The following ROBO2 variants were observed in gnomAD, a reference collection of about 807,000 sequenced individuals.
ROBO2 encodes roundabout guidance receptor 2.
A neutral mutation model predicts 160.8 loss-of-function variants in ROBO2; 53 were observed. The observed-to-expected ratio is 0.33, with a 90% CI of 0.26 to 0.41. The LOEUF (loss-of-function observed/expected upper bound fraction) is 0.41, where lower values mean the gene tolerates loss of function less well. ROBO2 is among the 10% of genes least tolerant of loss of function. The pLI is 1.00. For missense variants in ROBO2, 1,577 were observed against 1,722.4 expected, an observed-to-expected ratio of 0.92 and a Z score of 1.49; for synonymous variants, 664 against 611.7, an observed-to-expected ratio of 1.09 and a Z score of -1.26.
intron 2 of ROBO2, among the ~76,000 whole-genome samples, chr3:76,992,332 T>C (rs1278407594): frequency 4.8e-5 from 1 of 20,628 alleles, no homozygotes. Context: ...TTACTATATA[T>C]ATATATATAT....
intron 2 of ROBO2, among the ~76,000 whole-genome samples, chr3:77,003,056 T>TC (rs1484053889): frequency 6.6e-5 from 10 of 152,210 alleles, no homozygotes; most frequent in Non-Finnish European, 8.8e-5. Context: ...TATATTATTC[T>TC]CTAGTTTTTA....
chr3:77,549,943 T>C (rs1325246057), intron 7 of ROBO2, among the ~76,000 whole-genome samples: 2 of 151,980 alleles, frequency 1.3e-5, no homozygotes, highest in African/African-American at 2.4e-5. Context: ...TGATATCTCC[T>C]TATTTATAAT....
At chr3:76,209,596 C>T (rs1703016212) in intron 2 of ROBO2, among the ~76,000 whole-genome samples, 1 of 151,994 alleles carries the variant, frequency 6.6e-6, no homozygotes, top group African/African-American at 2.4e-5. Flanking sequence ...TTCTATGCCC[C>T]TCAGGAATAC....
intron 2 of ROBO2, among the ~76,000 whole-genome samples, chr3:76,321,973 G>A (rs2072565575): frequency 6.6e-6 from 1 of 151,596 alleles, no homozygotes; most frequent in African/African-American, 2.4e-5. Flanking sequence ...CTAGAATAAA[G>A]GTCTAGCACA....
chr3:76,506,653 G>A (rs534287106), intron 2 of ROBO2, among the ~76,000 whole-genome samples: 97 of 152,140 alleles, frequency 6.4e-4, no homozygotes, highest in African/African-American at 2.2e-3. Context: ...TTATGTATGT[G>A]TCTTGTCCTC....
chr3:76,886,842 C>G (rs1478009621), intron 2 of ROBO2, among the ~76,000 whole-genome samples: 2 of 152,140 alleles, frequency 1.3e-5, no homozygotes, highest in African/African-American at 4.8e-5. Flanking sequence ...TGGCCACTAG[C>G]TATATGTGGC....
intron 2 of ROBO2, among the ~76,000 whole-genome samples, chr3:76,887,449 A>G (rs2073993002): frequency 6.6e-6 from 1 of 151,704 alleles, no homozygotes; most frequent in Admixed American, 6.6e-5. Flanking sequence ...TTTTCAGAGG[A>G]TCATTAACTG....
intron 2 of ROBO2, among the ~76,000 whole-genome samples, chr3:77,186,348 A>G (rs1460143071): frequency 6.6e-6 from 1 of 151,952 alleles, no homozygotes; most frequent in Non-Finnish European, 1.5e-5. Flanking sequence ...TAGATTAATA[A>G]CTTTAGATTC....
chr3:77,299,476 G>A (rs1027635342), intron 2 of ROBO2, among the ~76,000 whole-genome samples: 2 of 152,096 alleles, frequency 1.3e-5, no homozygotes, highest in South Asian at 4.1e-4. Context: ...ACTTACAATC[G>A]TGATGGAAGG....
chr3:77,077,681 G>A (rs1304452161), intron 1 of ROBO2, among the ~76,000 whole-genome samples: 3 of 152,190 alleles, frequency 2.0e-5, no homozygotes, highest in African/African-American at 4.8e-5. Flanking sequence ...CAAGGGTTTT[G>A]TTTTTCAGAG....
chr3:77,559,553 T>G (rs553067675), intron 9 of ROBO2, among the ~76,000 whole-genome samples: 9 of 152,070 alleles, frequency 5.9e-5, no homozygotes. Flanking sequence ...AGAGCCAAGA[T>G]GAAGAAAAAC....
chr3:76,954,085 T>C (rs952007433), intron 2 of ROBO2, among the ~76,000 whole-genome samples: 1 of 152,222 alleles, frequency 6.6e-6, no homozygotes, highest in Admixed American at 6.5e-5. Context: ...AGATGATTCG[T>C]TTATTTATTC....
chr3:76,477,028 A>G lies in ROBO2; in HGVS notation c.109+539426A>G, dbSNP rs76312142. The stretch of plus-strand genomic sequence containing the variant: ...TTCTGGCTTATTGGACATATGACCT[A>G]TAACCTTAGTCAAACTGTGTAGCCT... On this transcript the variant is annotated intron_variant, in intron 2 of 26. Coordinates refer to the ROBO2 transcript ENST00000487694. 6.4e-3 allele frequency among the ~76,000 whole-genome samples: 969 copies of G among 152,284 alleles called. 11 individuals carry two copies. Among genetic ancestry groups the G allele is most frequent in the African/African-American group, 0.021 (867 of 41,570 alleles).
At chr3:77,622,146 T>C (rs954793587) in intron 22 of ROBO2, 81 bp from the exon 24 acceptor site, 17 of 1,231,692 alleles carry the variant, frequency 1.4e-5, no homozygotes, top group African/African-American at 3.0e-5. Context: ...TGAGTTACTA[T>C]AGCATGCATT....
intron 2 of ROBO2, among the ~76,000 whole-genome samples, chr3:76,921,630 A>T (rs1167005): frequency 0.028 from 4,277 of 152,084 alleles, 179 homozygotes; most frequent in African/African-American, 0.098. Context: ...GCTAGATCCA[A>T]CCTCAAATAT....
intron 2 of ROBO2, among the ~76,000 whole-genome samples, chr3:76,011,316 A>G (rs1183678983): frequency 1.3e-5 from 2 of 152,156 alleles, no homozygotes; most frequent in Non-Finnish European, 2.9e-5. Context: ...CCAGCCCGTG[A>G]TTCAGGTGGA....
chr3:76,045,720 T>C (rs971997769), intron 2 of ROBO2, among the ~76,000 whole-genome samples: 1 of 151,970 alleles, frequency 6.6e-6, no homozygotes, highest in South Asian at 2.1e-4. Context: ...CCAAGTTCAA[T>C]ATTTTGCCAC....
chr3:76,637,724 T>C (rs998043950), intron 2 of ROBO2, among the ~76,000 whole-genome samples: 34 of 152,212 alleles, frequency 2.2e-4, no homozygotes, highest in Admixed American at 7.2e-4. Context: ...TTGGTTATTA[T>C]AGAAACTATA....
intron 2 of ROBO2, among the ~76,000 whole-genome samples, chr3:77,387,822 A>G (rs1298742558): frequency 6.6e-6 from 1 of 152,108 alleles, no homozygotes; most frequent in East Asian, 1.9e-4. Context: ...CTATTGCCCT[A>G]GCTGCTCCTT....
Sources: allele counts gnomAD v4.1 joint callset (sites outside exome capture counted in the v4.1 genomes callset), GRCh38; gene constraint gnomAD v4.1.1; transcripts MANE v1.5; gene names NCBI Gene and HGNC (gene_info 2026-07-23, HGNC 2026-07-21).